PDZRN3: variants seen among roughly 807,000 people sequenced by gnomAD.
The protein encoded by PDZRN3 is E3 ubiquitin-protein ligase PDZRN3.
Under a neutral mutation model 85.7 loss-of-function variants are expected in PDZRN3, and 38 were observed. The ratio of observed to expected loss-of-function variants is 0.44; its 90% CI spans 0.34 to 0.58. The LOEUF (loss-of-function observed/expected upper bound fraction) is 0.58, where lower values mean the gene tolerates loss of function less well. Among genes scored for constraint, PDZRN3 ranks in the 20% least tolerant of loss-of-function variants. PDZRN3 has a pLI of 0.01. For missense variants in PDZRN3, 1,629 were observed against 1,506.4 expected (o/e 1.08, Z -1.35); for synonymous variants, 759 against 638.0 (o/e 1.19, Z -2.86).
intron 3 of PDZRN3, among the ~76,000 whole-genome samples, chr3:73,587,286 T>C (rs537791899): frequency 2.0e-5 from 3 of 152,322 alleles, no homozygotes; most frequent in African/African-American, 7.2e-5. Context: ...TTTCCATTTT[T>C]ATACATACAT....
intron 3 of PDZRN3, among the ~76,000 whole-genome samples, chr3:73,593,285 G>T (rs1332754068): frequency 2.0e-5 from 3 of 152,246 alleles, no homozygotes; most frequent in East Asian, 1.9e-4. Context: ...CTTCACTCAA[G>T]AATTTAATGC....
At chr3:73,563,655 T>A (rs13068104) in intron 3 of PDZRN3, among the ~76,000 whole-genome samples, 4,984 of 152,262 alleles carry the variant, frequency 0.033, 112 homozygotes, top group Middle Eastern at 0.11. Context: ...TACCAACTTA[T>A]GGCAGAGTTA....
chr3:73,416,887 T>TTG (rs1559667720), intron 3 of PDZRN3, among the ~76,000 whole-genome samples: 8 of 135,426 alleles, frequency 5.9e-5, no homozygotes, highest in African/African-American at 2.3e-4. Context: ...TTTTTTTTTT[T>TTG]TTTTTTTTTT....
chr3:73,619,816 G>C (rs1259803923), intron 1 of PDZRN3, among the ~76,000 whole-genome samples: 2 of 152,164 alleles, frequency 1.3e-5, no homozygotes, highest in Non-Finnish European at 2.9e-5. Context: ...AGTGATAAAA[G>C]ATACACATTT....
At chr3:73,398,205 C>T (rs2106712717) in intron 5 of PDZRN3, among the ~76,000 whole-genome samples, 1 of 152,286 alleles carries the variant, frequency 6.6e-6, no homozygotes, top group South Asian at 2.1e-4. Flanking sequence ...TGTCACATGC[C>T]TACGAGGGGC....
chr3:73,518,294 G>C (rs1195950812), intron 3 of PDZRN3, among the ~76,000 whole-genome samples: 3 of 152,184 alleles, frequency 2.0e-5, no homozygotes, highest in Non-Finnish European at 4.4e-5. Flanking sequence ...GTGGTATCTA[G>C]AGTAGTCAAA....
At chr3:73,476,061 C>T (rs1388118353) in intron 3 of PDZRN3, among the ~76,000 whole-genome samples, 2 of 152,174 alleles carry the variant, frequency 1.3e-5, no homozygotes, top group Non-Finnish European at 2.9e-5. Context: ...AAACACAGAC[C>T]ACTGTGGCAG....
chr3:73,483,102 T>C (rs116584195), intron 3 of PDZRN3, among the ~76,000 whole-genome samples: 278 of 152,252 alleles, frequency 1.8e-3, no homozygotes, highest in Middle Eastern at 3.4e-3. Flanking sequence ...AGGAGGTCAA[T>C]TAACAAAGAA....
At chr3:73,404,444 C>G (rs747473367) in intron 3 of PDZRN3, 49 bp from the exon 4 acceptor site, 3 of 1,561,982 alleles carry the variant, frequency 1.9e-6, no homozygotes, top group Non-Finnish European at 2.6e-6. Context: ...AAGCAGAAAA[C>G]GGAAGGACAA....
chr3:73,471,956 A>C (rs967281722), intron 3 of PDZRN3, among the ~76,000 whole-genome samples: 21 of 152,242 alleles, frequency 1.4e-4, no homozygotes, highest in Non-Finnish European at 2.2e-4. Flanking sequence ...AAATGCGGGT[A>C]GACAGGGATA....
intron 3 of PDZRN3, among the ~76,000 whole-genome samples, chr3:73,580,157 A>C (rs1702178171): frequency 1.3e-5 from 2 of 152,192 alleles, no homozygotes; most frequent in Non-Finnish European, 2.9e-5. Flanking sequence ...CAATTTTCAG[A>C]GCTTTGTCTA....
intron 3 of PDZRN3, among the ~76,000 whole-genome samples, chr3:73,578,268 C>T (rs1436570820): frequency 6.6e-6 from 1 of 151,722 alleles, no homozygotes. Context: ...CTCCCAGGTC[C>T]ACGCGATTCT....
At chr3:73,451,775 C>T (rs934531898) in intron 3 of PDZRN3, among the ~76,000 whole-genome samples, 22 of 152,098 alleles carry the variant, frequency 1.4e-4, no homozygotes, top group Non-Finnish European at 2.5e-4. Context: ...TCACTCATGT[C>T]GTAATCATTT....
intron 1 of PDZRN3, among the ~76,000 whole-genome samples, chr3:73,614,020 C>A (rs1463317308): frequency 6.6e-6 from 1 of 152,120 alleles, no homozygotes; most frequent in Admixed American, 6.5e-5. Context: ...AGCCAAGTCA[C>A]AAGCAGAAAT....
intron 3 of PDZRN3, among the ~76,000 whole-genome samples, chr3:73,552,390 A>G (rs1701584426): frequency 6.6e-6 from 1 of 152,162 alleles, no homozygotes; most frequent in East Asian, 1.9e-4. Flanking sequence ...TTAACTTTAA[A>G]TGGATAATAA....
At chr3:73,424,666 G>A (rs1301511987) in intron 3 of PDZRN3, among the ~76,000 whole-genome samples, 1 of 151,548 alleles carries the variant, frequency 6.6e-6, no homozygotes, top group Non-Finnish European at 1.5e-5. Flanking sequence ...AACCAGGGAA[G>A]AAGAGGAAAA....
intron 3 of PDZRN3, among the ~76,000 whole-genome samples, chr3:73,419,986 C>T (rs956071058): frequency 2.6e-5 from 4 of 152,246 alleles, no homozygotes; most frequent in African/African-American, 9.6e-5. Context: ...ACCATCCACA[C>T]AGAGCTTTCA....
At chr3:73,518,103 A>C (rs539981487) in intron 3 of PDZRN3, among the ~76,000 whole-genome samples, 1 of 152,358 alleles carries the variant, frequency 6.6e-6, no homozygotes, top group East Asian at 1.9e-4. Flanking sequence ...GGTAGAAGCA[A>C]CCCAAGTGTT....
chr3:73,398,376 T>G (rs533697190), intron 5 of PDZRN3, among the ~76,000 whole-genome samples: 2 of 152,284 alleles, frequency 1.3e-5, no homozygotes, highest in Admixed American at 1.3e-4. Flanking sequence ...TTGGGCTGCT[T>G]TATCTGGGTC....
Sources: allele counts gnomAD v4.1 joint callset (sites outside exome capture counted in the v4.1 genomes callset), GRCh38; gene constraint gnomAD v4.1.1; transcripts MANE v1.5; gene names NCBI Gene and HGNC (gene_info 2026-07-23, HGNC 2026-07-21).